Variants in SSBP3 observed in about 807,000 individuals in gnomAD.
The protein encoded by SSBP3 is single-stranded DNA-binding protein 3.
In SSBP3, 5 loss-of-function variants were observed where a neutral mutation model predicts 69.6. The ratio of observed to expected loss-of-function variants is 0.07; its 90% CI spans 0.04 to 0.15. SSBP3 has a LOEUF of 0.15. SSBP3 is among the 10% of genes least tolerant of loss of function. The pLI is 1.00. For missense variants in SSBP3, 312 were observed against 534.0 expected (o/e 0.58, Z 4.10); for synonymous variants, 196 against 193.4 (o/e 1.01, Z -0.11).
intron 4 of SSBP3, among the ~76,000 whole-genome samples, chr1:54,319,661 T>C (rs1473530425): frequency 6.6e-6 from 1 of 151,768 alleles, no homozygotes; most frequent in Non-Finnish European, 1.5e-5. Flanking sequence ...TTGTTAATGA[T>C]CAACCTTCCA....
intron 14 of SSBP3, chr1:54,237,345 G>A (rs1644513712): frequency 6.6e-6 from 1 of 152,182 alleles, no homozygotes. Context: ...GCAATCAAGG[G>A]AACAAGATGA....
At chr1:54,305,237 G>A (rs943299022) in intron 4 of SSBP3, among the ~76,000 whole-genome samples, 7 of 152,186 alleles carry the variant, frequency 4.6e-5, no homozygotes, top group South Asian at 2.1e-4. Context: ...AAGACATTCA[G>A]TAGCTGTGAG....
rs908265634 is a variant in SSBP3 at position 54,272,988 on chromosome 1, C to G, written c.366+8450G>C. On this transcript the variant is annotated intron_variant, in intron 5 of 17. Transcript: ENST00000610401. ...AGGCCAGAGACTCCTTCCCCCTTCC[C>G]TCCCTCAAAAGGTTGAAGAGAGGAG... 3.3e-5 allele frequency among the ~76,000 whole-genome samples: 5 copies of G among 151,920 alleles called. 1 individual carries two copies. In the South Asian group the frequency reaches 1.0e-3, roughly 32 times the overall value.
intron 4 of SSBP3, among the ~76,000 whole-genome samples, chr1:54,290,270 G>A (rs936870544): frequency 2.0e-5 from 3 of 152,156 alleles, no homozygotes; most frequent in African/African-American, 7.2e-5. Context: ...AAGGAAGGGA[G>A]CCCCCTACCC....
intron 4 of SSBP3, among the ~76,000 whole-genome samples, chr1:54,340,122 G>A (rs993022899): frequency 2.6e-5 from 4 of 152,000 alleles, no homozygotes; most frequent in Non-Finnish European, 5.9e-5. Flanking sequence ...AAGCTCTCAG[G>A]TCCCTGACAT....
At chr1:54,254,199 G>A (rs1451945098) in intron 7 of SSBP3, among the ~76,000 whole-genome samples, 4 of 152,242 alleles carry the variant, frequency 2.6e-5, no homozygotes, top group South Asian at 2.1e-4. Context: ...GCTTCTGGAC[G>A]GAGGCCAGCT....
intron 4 of SSBP3, among the ~76,000 whole-genome samples, chr1:54,338,681 GA>G (rs1226419858): frequency 6.6e-6 from 1 of 152,184 alleles, no homozygotes; most frequent in Admixed American, 6.5e-5. Flanking sequence ...GCTAAACAGG[GA>G]CCCAACCACA....
intron 4 of SSBP3, among the ~76,000 whole-genome samples, chr1:54,317,532 C>CAA (rs375615499): frequency 5.7e-5 from 7 of 123,770 alleles, no homozygotes; most frequent in East Asian, 4.6e-4. Context: ...GCGAGACTCT[C>CAA]AAAAAAAAAA....
chr1:54,401,876 T>C (rs1217158056), exon 4 of SSBP3: 2 of 1,613,748 alleles, frequency 1.2e-6, no homozygotes, highest in Non-Finnish European at 8.5e-7. Flanking sequence ...CATGAAAGGC[T>C]TTTGCTTCAC....
chr1:54,346,274 T>A (rs12078534), intron 4 of SSBP3, among the ~76,000 whole-genome samples: 10,623 of 148,578 alleles, frequency 0.071, 1,320 homozygotes, highest in African/African-American at 0.25. Flanking sequence ...GCAGTGAGCC[T>A]AGATCGGGCC....
chr1:54,260,611 G>A (rs1178651841), intron 5 of SSBP3, among the ~76,000 whole-genome samples: 1 of 152,230 alleles, frequency 6.6e-6, no homozygotes, highest in Non-Finnish European at 1.5e-5. Flanking sequence ...GGGGACTCTG[G>A]AGACCAGTCC....
At chr1:54,294,389 A>G (rs1184892001) in intron 4 of SSBP3, among the ~76,000 whole-genome samples, 1 of 150,954 alleles carries the variant, frequency 6.6e-6, no homozygotes, top group Non-Finnish European at 1.5e-5. Context: ...AAGCCCTCAC[A>G]AACGACTTGG....
rs916386674 is a variant in SSBP3, at chr1:54,332,330, G to C, written c.277-50803C>G. 2.0e-5 allele frequency among the ~76,000 whole-genome samples: 3 copies of C among 152,340 alleles called. 1 individual carries two copies. The highest frequency in any genetic ancestry group is 1.5e-5 in the Non-Finnish European group (1 of 68,028). ...CAGGAGAGGCAGCAACAGTAAGTGA[G>C]ATGCAAGGAAACTAAAAGTGGAGCA... On this transcript the variant is annotated intron_variant, in intron 4 of 17. Transcript: ENST00000610401.
At chr1:54,355,044 T>TCC (rs1646841842) in intron 4 of SSBP3, among the ~76,000 whole-genome samples, 2 of 152,216 alleles carry the variant, frequency 1.3e-5, no homozygotes, top group South Asian at 4.1e-4. Context: ...GCTGGGTTGT[T>TCC]TCCTCCTCCT....
At chr1:54,338,562 G>A (rs4926631) in intron 4 of SSBP3, among the ~76,000 whole-genome samples, 10,105 of 152,148 alleles carry the variant, frequency 0.066, 442 homozygotes, top group Admixed American at 0.14. Flanking sequence ...GTAACTGTCC[G>A]GTCACTCTGC....
chr1:54,246,694 T>C (rs1172117576), intron 9 of SSBP3, among the ~76,000 whole-genome samples: 2 of 152,202 alleles, frequency 1.3e-5, no homozygotes, highest in African/African-American at 4.8e-5. Flanking sequence ...CTGCCGCCTA[T>C]AGAGGCACAG....
At chr1:54,327,174 T>C (rs1646320220) in intron 4 of SSBP3, among the ~76,000 whole-genome samples, 1 of 149,030 alleles carries the variant, frequency 6.7e-6, no homozygotes, top group South Asian at 2.1e-4. Context: ...GGGTGCAGAA[T>C]GCCCTTCTCC....
chr1:54,238,173 G>A (rs1435742102), intron 14 of SSBP3: 4 of 470,912 alleles, frequency 8.5e-6, no homozygotes, highest in Admixed American at 2.3e-5. Context: ...CTGGATGTAG[G>A]CAATATCCAG....
Position 54,234,682 on chromosome 1 carries a change from T to A in SSBP3, c.927+4447A>T, listed in dbSNP as rs151153394. 2.4e-4 allele frequency among the ~76,000 whole-genome samples: 37 copies of A among 152,284 alleles called. No individual in the cohort carries two copies. In the East Asian group the frequency reaches 7.1e-3, roughly 29 times the overall value. On this transcript the variant is annotated intron_variant, in intron 14 of 17. Transcript: ENST00000610401. ...ATGTTTCTTTCTGCCCTAGGATACA[T>A]TAGAACATTCTGCTCTGCTTTCTTT... is the stretch of plus-strand genomic sequence containing the variant.
Sources: gnomAD v4.1 joint callset for allele counts (sites outside exome capture counted in the v4.1 genomes callset) on GRCh38, gnomAD v4.1.1 for gene constraint, MANE v1.5 for transcripts, NCBI Gene and HGNC (gene_info 2026-07-23, HGNC 2026-07-21) for gene names.